WAC: variants seen among roughly 807,000 people sequenced by gnomAD.
WAC encodes the protein WW domain-containing adapter protein with coiled-coil.
In WAC, 11 loss-of-function variants were observed where a neutral mutation model predicts 79.6. That is an observed-to-expected ratio of 0.14 (90% confidence interval 0.09 to 0.23). The LOEUF (loss-of-function observed/expected upper bound fraction) is 0.23, where lower values mean the gene tolerates loss of function less well. WAC is among the 10% of genes least tolerant of loss of function. The probability of loss-of-function intolerance (pLI) is 1.00; values close to 1 mark genes in which losing one functional copy is unlikely to be tolerated. For synonymous variants in WAC, 304 were observed against 276.9 expected (o/e 1.10, Z -0.97); for missense variants, 728 against 773.5 (o/e 0.94, Z 0.70).
intron 4 of WAC, 72 bp downstream of exon 4, chr10:28,583,577 A>G (rs1839651526): frequency 4.9e-6 from 5 of 1,021,578 alleles, no homozygotes; most frequent in Non-Finnish European, 7.0e-6. Flanking sequence ...AATACAACCC[A>G]TGGCAAGTCT....
At chr10:28,563,912 T>A (rs2132504559) in intron 3 of WAC, among the ~76,000 whole-genome samples, 1 of 152,106 alleles carries the variant, frequency 6.6e-6, no homozygotes, top group East Asian at 1.9e-4. Context: ...TATACAGTAT[T>A]TTTAACAAGA....
chr10:28,556,063 G>A (rs1054933023), intron 3 of WAC, among the ~76,000 whole-genome samples: 5 of 152,196 alleles, frequency 3.3e-5, no homozygotes, highest in African/African-American at 1.2e-4. Context: ...ATATCTGTTT[G>A]AGATACTGAT....
intron 9 of WAC, 85 bp downstream of exon 9, chr10:28,610,906 TC>T (rs879070008): frequency 7.2e-7 from 1 of 1,389,592 alleles, no homozygotes; most frequent in Non-Finnish European, 9.3e-7. Flanking sequence ...TTTAGTTTTT[TC>T]TTTCATTTTT....
At chr10:28,570,170 T>TTTTGTGATGCCGCG (rs1838866146) in intron 3 of WAC, among the ~76,000 whole-genome samples, 1 of 152,216 alleles carries the variant, frequency 6.6e-6, no homozygotes, top group Non-Finnish European at 1.5e-5. Context: ...TTTCTCTCTT[T>TTTTGTGATGCCGCG]AATACCACAT....
chr10:28,573,809 A>G (rs1033715028), intron 3 of WAC, among the ~76,000 whole-genome samples: 1 of 152,168 alleles, frequency 6.6e-6, no homozygotes, highest in African/African-American at 2.4e-5. Flanking sequence ...AATGTTCTAA[A>G]TCAACTTTAG....
intron 3 of WAC, among the ~76,000 whole-genome samples, chr10:28,541,969 C>T (rs78817727): frequency 0.019 from 2,917 of 152,246 alleles, 102 homozygotes; most frequent in African/African-American, 0.067. Flanking sequence ...CTCAAGCTCA[C>T]GGCCCTCCAG....
intron 4 of WAC, among the ~76,000 whole-genome samples, chr10:28,583,986 A>G (rs1284802929): frequency 2.0e-5 from 3 of 152,268 alleles, no homozygotes; most frequent in Non-Finnish European, 2.9e-5. Flanking sequence ...TCAGAAGTTT[A>G]GTTTAATGAA....
intron 3 of WAC, among the ~76,000 whole-genome samples, chr10:28,569,063 TC>T (rs1838804779): frequency 6.6e-6 from 1 of 152,196 alleles, no homozygotes; most frequent in African/African-American, 2.4e-5. Flanking sequence ...ATGAAGAAGT[TC>T]CTGGATACTA....
chr10:28,544,924 G>C (rs754133144), intron 3 of WAC, among the ~76,000 whole-genome samples: 17 of 151,874 alleles, frequency 1.1e-4, no homozygotes, highest in Non-Finnish European at 2.5e-4. Flanking sequence ...ATTAGCTGGG[G>C]CGTGGTGGTG....
At position 28,612,939 on chromosome 10, in the gene WAC, A is replaced by G. The variant is rs530476282; in HGVS notation, c.1437+1017A>G. 2.0e-5 allele frequency among the ~76,000 whole-genome samples: 3 copies of G among 152,286 alleles called. No individual in the cohort carries two copies. In the East Asian group the frequency reaches 5.8e-4, roughly 29 times the overall value. ...TATAGTAAATAGTGGTTAAAAGTGA[A>G]ATAAGTGGTAGTATTGGTTTTATAG... On this transcript the variant is annotated intron_variant, in intron 10 of 13. Coordinates refer to ENST00000354911, the MANE Select transcript of WAC (RefSeq NM_016628.5).
chr10:28,539,308 C>T (rs575475227), intron 3 of WAC, among the ~76,000 whole-genome samples: 2 of 152,208 alleles, frequency 1.3e-5, no homozygotes, highest in East Asian at 1.9e-4. Context: ...GGTTTTTATT[C>T]CCAAAAACCT....
At chr10:28,545,498 C>T (rs1837304396) in intron 3 of WAC, among the ~76,000 whole-genome samples, 1 of 152,042 alleles carries the variant, frequency 6.6e-6, no homozygotes, top group Non-Finnish European at 1.5e-5. Flanking sequence ...AAAAAGAAAA[C>T]TGAATTTTAA....
At chr10:28,565,849 A>G (rs1471985650) in intron 3 of WAC, among the ~76,000 whole-genome samples, 1 of 152,196 alleles carries the variant, frequency 6.6e-6, no homozygotes, top group Non-Finnish European at 1.5e-5. Flanking sequence ...TATTTAAGGT[A>G]ATTTATTTTG....
chr10:28,595,440 G>A (rs1288652380), intron 6 of WAC, among the ~76,000 whole-genome samples: 1 of 147,810 alleles, frequency 6.8e-6, no homozygotes, highest in Non-Finnish European at 1.5e-5. Context: ...TTTGTGTTTT[G>A]TTTGAACTAC....
At chr10:28,533,655 C>CG (rs756504844) in intron 1 of WAC, 35 bp downstream of exon 1, 4 of 1,203,674 alleles carry the variant, frequency 3.3e-6, no homozygotes, top group African/African-American at 3.2e-5. Flanking sequence ...CGGGCGGCGG[C>CG]GGGGGGCGGC....
At chr10:28,581,597 C>T (rs944439801) in intron 3 of WAC, among the ~76,000 whole-genome samples, 2 of 152,186 alleles carry the variant, frequency 1.3e-5, no homozygotes, top group African/African-American at 4.8e-5. Flanking sequence ...CTCTGTTGCC[C>T]AGGCTGGAGT....
chr10:28,580,411 A>G (rs1839473903), intron 3 of WAC, among the ~76,000 whole-genome samples: 11 of 152,212 alleles, frequency 7.2e-5, no homozygotes, highest in Admixed American at 7.2e-4. Context: ...CCTCATTTGT[A>G]ATATACCTTA....
rs869099181 is a variant in WAC at position 28,541,420 on chromosome 10, G to GTTTT, written c.274+5686_274+5689dup. Among the ~76,000 whole-genome samples, 4 of 49,208 alleles carry GTTTT rather than the reference G, an allele frequency of 8.1e-5. 1 individual carries two copies. The highest frequency in any genetic ancestry group is 1.1e-4 in the African/African-American group (1 of 9,284). 32.3% of individuals were successfully genotyped at this position (49,208 alleles called of 152,430 possible). A position where few individuals can be genotyped will look rare whatever the true frequency, so the allele number is the denominator to read the frequency against. ...GTGGGGTTGTGTGTGTGTGTGTTTT[G>GTTTT]TTTTTTTTTTTTTTTTTTTTTTTTT... On this transcript the variant is annotated intron_variant, in intron 3 of 13. Transcript: ENST00000354911.
At chr10:28,596,345 T>G (rs1377574728) in intron 7 of WAC, among the ~76,000 whole-genome samples, 1 of 152,228 alleles carries the variant, frequency 6.6e-6, no homozygotes, top group Non-Finnish European at 1.5e-5. Context: ...TTTCTGTTTT[T>G]GTGATCATTG....
Sources: gnomAD v4.1 joint callset for allele counts (sites outside exome capture counted in the v4.1 genomes callset) on GRCh38, gnomAD v4.1.1 for gene constraint, MANE v1.5 for transcripts, NCBI Gene and HGNC (gene_info 2026-07-23, HGNC 2026-07-21) for gene names.